The following LRRC8C variants were observed in gnomAD, a reference collection of about 807,000 sequenced individuals.
LRRC8C encodes leucine rich repeat containing 8 VRAC subunit C.
Under a neutral mutation model 55.3 loss-of-function variants are expected in LRRC8C, and 20 were observed. That is an observed-to-expected ratio of 0.36 (90% CI 0.25 to 0.53). LRRC8C has a LOEUF of 0.53. Ranked by LOEUF, LRRC8C falls within the 20% of genes least tolerant of loss-of-function variation. The probability of loss-of-function intolerance (pLI) is 0.92; values close to 1 mark genes in which losing one functional copy is unlikely to be tolerated. For synonymous variants in LRRC8C, 376 were observed against 360.7 expected (o/e 1.04, Z -0.48); for missense variants, 659 against 951.4 (o/e 0.69, Z 4.04).
intron 1 of LRRC8C, among the ~76,000 whole-genome samples, chr1:89,651,199 A>C (rs1194763995): frequency 1.3e-5 from 2 of 152,202 alleles, no homozygotes; most frequent in Non-Finnish European, 2.9e-5. Flanking sequence ...GAGTTAGTGC[A>C]AACTGTTTTG....
intron 1 of LRRC8C, among the ~76,000 whole-genome samples, chr1:89,633,884 A>G (rs916439509): frequency 1.3e-5 from 2 of 152,208 alleles, no homozygotes; most frequent in Non-Finnish European, 2.9e-5. Context: ...GGCGGGCCCC[A>G]GAAGCCAGGT....
In LRRC8C at chr1:89,717,507, TAA is replaced by T. The variant is rs1157893558; in HGVS notation, c.*2526_*2527del. 1 of 152,174 alleles carries T rather than the reference TAA, an allele frequency of 6.6e-6. No homozygotes were observed. Among genetic ancestry groups the T allele is most frequent in the Non-Finnish European group, 1.5e-5 (1 of 68,014 alleles). The allele number at this position is 152,174 out of a possible 1,614,324, so 9.4% of individuals were successfully genotyped here. A position where few individuals can be genotyped will look rare whatever the true frequency, so the allele number is the denominator to read the frequency against. On this transcript the variant is annotated 3_prime_UTR_variant, in exon 3 of 3. Coordinates refer to ENST00000370454, the MANE Select transcript of LRRC8C (RefSeq NM_032270.5). ...CAACCTAAGTTTTGATAACATCTGG[TAA>T]GTCAGTATAGTTCTGTGACTTCATG...
rs1349510044 is a variant in LRRC8C, at chr1:89,716,976, T to C, written c.*1994T>C. ...CAAAGTGCTTTACGTTTCTGCTCTA[T>C]GTTAATGTTTTAGAATGGTGATTTT... is the stretch of plus-strand genomic sequence containing the variant. On this transcript the variant is annotated 3_prime_UTR_variant, in exon 3 of 3. Coordinates refer to ENST00000370454, the MANE Select transcript of LRRC8C (RefSeq NM_032270.5). The C allele has an allele frequency of 6.6e-6, 1 of 152,054 alleles. No homozygotes were observed. Among genetic ancestry groups the C allele is most frequent in the Non-Finnish European group, 1.5e-5 (1 of 67,942 alleles). The allele number at this position is 152,054 out of a possible 1,614,324, so 9.4% of individuals were successfully genotyped here.
chr1:89,654,266 G>A (rs1656875520), intron 1 of LRRC8C, among the ~76,000 whole-genome samples: 1 of 152,174 alleles, frequency 6.6e-6, no homozygotes, highest in Admixed American at 6.5e-5. Flanking sequence ...ACTTGGAAGG[G>A]TAGAAGTGAG....
At chr1:89,653,565 T>C (rs1456801814) in intron 1 of LRRC8C, among the ~76,000 whole-genome samples, 1 of 152,160 alleles carries the variant, frequency 6.6e-6, no homozygotes, top group Non-Finnish European at 1.5e-5. Flanking sequence ...AGACTAACTG[T>C]AAGAGACAAG....
Position 89,716,082 on chromosome 1 carries a change from C to T in LRRC8C, c.*1100C>T, listed in dbSNP as rs937413116. On this transcript the variant is annotated 3_prime_UTR_variant, in exon 3 of 3. Transcript: ENST00000370454. ...ACTCAAAAAGAAAGTTGTGTCTGTA[C>T]TGAATATGTACAGACTTTTTCCTTG... 3.9e-5 allele frequency: 6 copies of T among 152,156 alleles called. No individual in the cohort carries two copies. The highest frequency in any genetic ancestry group is 7.4e-5 in the Non-Finnish European group (5 of 68,026). 9.4% of individuals were successfully genotyped at this position (152,156 alleles called of 1,614,324 possible). A position where few individuals can be genotyped will look rare whatever the true frequency, so the allele number is the denominator to read the frequency against.
the LRRC8C span, among the ~76,000 whole-genome samples, chr1:89,624,333 A>C: frequency 1.3e-5 from 2 of 152,232 alleles, no homozygotes; most frequent in African/African-American, 2.4e-5. Flanking sequence ...GTACAAAAAC[A>C]CTAGAGACCC....
At position 89,669,617 on chromosome 1, in the gene LRRC8C, T is replaced by G. The variant is rs1657363563; in HGVS notation, c.-4-16853T>G. Among the ~76,000 whole-genome samples, 3 of 152,270 alleles carry G rather than the reference T, an allele frequency of 2.0e-5. No homozygotes were observed. In the South Asian group the frequency reaches 6.2e-4, roughly 32 times the overall value. On this transcript the variant is annotated intron_variant, in intron 1 of 2. Coordinates refer to ENST00000370454, the MANE Select transcript of LRRC8C (RefSeq NM_032270.5). ...CCAGCAATCCTGTGAAGCAAGATAC[T>G]GTTCTTTTCCCCATTCTCAAGATGA...
chr1:89,628,943 G>A (rs998840962), upstream of LRRC8C, among the ~76,000 whole-genome samples: 1 of 152,194 alleles, frequency 6.6e-6, no homozygotes, highest in African/African-American at 2.4e-5. Flanking sequence ...GCAGGAGAAA[G>A]CTAGACAGAG....
At chr1:89,683,088 A>G (rs777777784) in intron 1 of LRRC8C, among the ~76,000 whole-genome samples, 12 of 152,354 alleles carry the variant, frequency 7.9e-5, no homozygotes, top group Non-Finnish European at 1.0e-4. Context: ...GATCACCACC[A>G]TGAGCTTGAC....
At chr1:89,654,282 A>C (rs970606869) in intron 1 of LRRC8C, among the ~76,000 whole-genome samples, 15 of 152,196 alleles carry the variant, frequency 9.9e-5, no homozygotes, top group African/African-American at 3.6e-4. Context: ...GTGAGGAGGC[A>C]GCTAAGGGAT....
At chr1:89,685,101 C>CTTTTTT (rs11316114) in intron 1 of LRRC8C, among the ~76,000 whole-genome samples, 55 of 76,184 alleles carry the variant, frequency 7.2e-4, no homozygotes, top group African/African-American at 1.1e-3. Flanking sequence ...CTATCTAGTT[C>CTTTTTT]TTTTTTTTTT....
chr1:89,710,368 T>A (rs1658617368), intron 2 of LRRC8C, among the ~76,000 whole-genome samples: 2 of 152,206 alleles, frequency 1.3e-5, no homozygotes, highest in Non-Finnish European at 2.9e-5. Flanking sequence ...ATATGATGAA[T>A]GCTCCATTGA....
At chr1:89,623,738 T>C in the LRRC8C span, among the ~76,000 whole-genome samples, 15,066 of 150,802 alleles carry the variant, frequency 0.1, 2,448 homozygotes, top group African/African-American at 0.35. Flanking sequence ...AAAAGAAAAA[T>C]GCCACAACAG....
rs937494490 is a variant in LRRC8C at position 89,633,894 on chromosome 1, T to A, written c.-5+572T>A. Among the ~76,000 whole-genome samples, 10 of 152,102 alleles carry A rather than the reference T, an allele frequency of 6.6e-5. No homozygotes were observed. The East Asian group carries it at 1.9e-3, about 29-fold the overall frequency. On this transcript the variant is annotated intron_variant, in intron 1 of 2. Transcript: ENST00000370454. ...GATCGGGCGGGCCCCAGAAGCCAGG[T>A]GTTTAGGCCAGCGGTTGAGGCCAAA...
rs1192519594 is a variant in LRRC8C at position 89,686,506 on chromosome 1, T to C, written c.33T>C (p.Ser11=). MIPVTEFRQF[S]EQQPAFRVLK... Reference sequence around the variant, plus strand: ...CCGTGACAGAATTCCGGCAGTTCTCTGAGCAGCAGCCTGCCTTCCGAGTGC... The same window carrying C: ...CCGTGACAGAATTCCGGCAGTTCTCCGAGCAGCAGCCTGCCTTCCGAGTGC... The change falls in exon 2 of 3, where the codon TCT becomes TCC. Residue 11 remains serine, a synonymous_variant. Transcript: ENST00000370454. 6.2e-7 allele frequency: 1 copy of C among 1,614,234 alleles called. No individual in the cohort carries two copies. Among genetic ancestry groups the C allele is most frequent in the South Asian group, 1.1e-5 (1 of 91,090 alleles).
At chr1:89,664,156 T>C (rs1657193888) in intron 1 of LRRC8C, among the ~76,000 whole-genome samples, 1 of 152,198 alleles carries the variant, frequency 6.6e-6, no homozygotes, top group Non-Finnish European at 1.5e-5. Flanking sequence ...TTATATCCCA[T>C]TTGTCAATTT....
intron 1 of LRRC8C, among the ~76,000 whole-genome samples, chr1:89,683,973 T>G (rs1291655476): frequency 6.6e-6 from 1 of 152,102 alleles, no homozygotes; most frequent in Non-Finnish European, 1.5e-5. Flanking sequence ...ATTAAAGGGA[T>G]TTGCAAAAAT....
At chr1:89,706,520 A>T (rs1570740432) in intron 2 of LRRC8C, 1 of 333,560 alleles carries the variant, frequency 3.0e-6, no homozygotes, top group South Asian at 2.4e-5. Context: ...TCATACAAAA[A>T]TGTAGCCATA....
Sources: allele counts gnomAD v4.1 joint callset (sites outside exome capture counted in the v4.1 genomes callset), GRCh38; gene constraint gnomAD v4.1.1; transcripts MANE v1.5; gene names NCBI Gene and HGNC (gene_info 2026-07-23, HGNC 2026-07-21).